Variants in DNAJA3 observed in about 807,000 individuals in gnomAD.
The protein encoded by DNAJA3 is dnaJ homolog subfamily A member 3, mitochondrial.
DNAJA3 carries 29 observed loss-of-function variants against 54.9 expected under a neutral mutation model. That is an observed-to-expected ratio of 0.53 (90% CI 0.39 to 0.72). The LOEUF is 0.72. DNAJA3 is among the 30% of genes least tolerant of loss of function. The pLI is 0.00. For synonymous variants in DNAJA3, 302 were observed against 251.4 expected, an observed-to-expected ratio of 1.20 and a Z score of -1.90; for missense variants, 708 against 639.4, an observed-to-expected ratio of 1.11 and a Z score of -1.16.
chr16:4,438,956 G>C (rs1322060178), intron 3 of DNAJA3, among the ~76,000 whole-genome samples: 1 of 151,528 alleles, frequency 6.6e-6, no homozygotes, highest in Non-Finnish European at 1.5e-5. Flanking sequence ...TTCTTATTAG[G>C]TAACTCAAAC....
intron 5 of DNAJA3, 72 bp from the exon 6 acceptor site, chr16:4,442,945 C>T (rs868044656): frequency 2.6e-6 from 4 of 1,529,952 alleles, no homozygotes; most frequent in Middle Eastern, 3.5e-4. Context: ...TTTTCTTACG[C>T]ACATTGTGGT....
chr16:4,443,611 C>G (rs4786491), intron 6 of DNAJA3, among the ~76,000 whole-genome samples: 103,600 of 151,764 alleles, frequency 0.68, 35,587 homozygotes, highest in Non-Finnish European at 0.72. Flanking sequence ...TTTCTTTTTT[C>G]GGTTAACTTT....
At chr16:4,436,761 C>A (rs2056776934) in intron 2 of DNAJA3, among the ~76,000 whole-genome samples, 1 of 152,144 alleles carries the variant, frequency 6.6e-6, no homozygotes, top group South Asian at 2.1e-4. Flanking sequence ...TTCTCAAACT[C>A]CTGACCTCTG....
intron 10 of DNAJA3, 77 bp from the exon 11 acceptor site, chr16:4,454,734 G>T: frequency 2.6e-6 from 3 of 1,132,148 alleles, no homozygotes; most frequent in Non-Finnish European, 3.9e-6. Context: ...GTGGCCAGGC[G>T]GGGGTAGGTG....
chr16:4,452,307 T>C (rs1215439688), intron 10 of DNAJA3, among the ~76,000 whole-genome samples: 1 of 152,080 alleles, frequency 6.6e-6, no homozygotes, highest in Non-Finnish European at 1.5e-5. Context: ...ACATGCGAGA[T>C]TGGTTCCATA....
rs756594607 is a variant in DNAJA3, at chr16:4,444,644, C to G, written c.932-20C>G. 2 of 1,613,280 alleles carry G rather than the reference C, an allele frequency of 1.2e-6. No homozygotes were observed. Among genetic ancestry groups the G allele is most frequent in the East Asian group, 2.2e-5 (1 of 44,866 alleles). ...CCACCGCGTCCTGCCTAACTTCTCC[C>G]TTTCTAATGTCCCTTGTAGGAGTCG... On this transcript the variant is annotated intron_variant, in intron 6 of 11. Transcript: ENST00000262375.
At chr16:4,454,415 C>T (rs1043330083) in intron 10 of DNAJA3, among the ~76,000 whole-genome samples, 2 of 152,210 alleles carry the variant, frequency 1.3e-5, no homozygotes, top group African/African-American at 4.8e-5. Flanking sequence ...CTCTCTGTGC[C>T]TCCTTTTTTT....
At chr16:4,428,162 A>G (rs1003142954) in intron 1 of DNAJA3, among the ~76,000 whole-genome samples, 2 of 151,998 alleles carry the variant, frequency 1.3e-5, no homozygotes, top group African/African-American at 4.8e-5. Context: ...CGTGTTAGCC[A>G]AGATGGTCTC....
In DNAJA3 at chr16:4,434,473, C is replaced by T; in HGVS notation, c.301C>T (p.Pro101Ser). 3 of 1,613,984 alleles carry T rather than the reference C, an allele frequency of 1.9e-6. No individual in the cohort carries two copies. The highest frequency in any genetic ancestry group is 2.2e-5 in the East Asian group (1 of 44,886). The change falls in exon 2 of 12, where the codon CCT becomes TCT. Residue 101 changes from proline to serine, a missense_variant. Physicochemically the swap from Pro to Ser is moderately conservative, Grantham distance 74. Transcript: ENST00000262375. ...KEDYYQILGV[P>S]RNASQKEIKK... Reference sequence around the variant, plus strand: ...AGATTATTATCAGATATTAGGAGTGCCTCGAAATGCCAGCCAGAAAGAGAT... The same window carrying T: ...AGATTATTATCAGATATTAGGAGTGTCTCGAAATGCCAGCCAGAAAGAGAT...
rs202179531 is a variant in DNAJA3 at position 4,434,886 on chromosome 16, C to CTTTTTTTTT, written c.345+389_345+397dup. Among the ~76,000 whole-genome samples, 123 of 100,176 alleles carry CTTTTTTTTT rather than the reference C, an allele frequency of 1.2e-3. 6 individuals carry two copies. Among genetic ancestry groups the CTTTTTTTTT allele is most frequent in the African/African-American group, 3.8e-3 (92 of 24,322 alleles). 65.7% of individuals were successfully genotyped at this position (100,176 alleles called of 152,430 possible). A position where few individuals can be genotyped will look rare whatever the true frequency, so the allele number is the denominator to read the frequency against. On this transcript the variant is annotated intron_variant, in intron 2 of 11. Transcript: ENST00000262375. ...GGTTTAGAATTACTTCCTTTCCTTT[C>CTTTTTTTTT]TTTTTTTTTTTTTTTTTTTTTTTTT...
intron 10 of DNAJA3, among the ~76,000 whole-genome samples, chr16:4,454,505 G>A (rs1258742031): frequency 6.6e-6 from 1 of 152,182 alleles, no homozygotes; most frequent in Non-Finnish European, 1.5e-5. Flanking sequence ...CTGTGTTTTT[G>A]TCACTGTTGC....
chr16:4,455,050 G>A, intron 11 of DNAJA3, 123 bp downstream of exon 11: 1 of 700,036 alleles, frequency 1.4e-6, no homozygotes, highest in Admixed American at 2.4e-5. Flanking sequence ...CCAGTCCAAG[G>A]TGTGGTAAAC....
rs141252684 is a variant in DNAJA3 at position 4,447,326 on chromosome 16, G to C, written c.1125+312G>C. The C allele has an allele frequency of 7.6e-4, 219 of 289,184 alleles. 2 individuals carry two copies. Among genetic ancestry groups the C allele is most frequent in the African/African-American group, 4.4e-3 (201 of 45,668 alleles). 17.9% of individuals were successfully genotyped at this position (289,184 alleles called of 1,614,324 possible). On this transcript the variant is annotated intron_variant, in intron 8 of 11. Coordinates refer to ENST00000262375, the MANE Select transcript of DNAJA3 (RefSeq NM_005147.6). ...GGTTGTGCTCTCTGCACTTGCTTCT[G>C]TCCAGTGTCTGGCTCCAAGAGCAGA...
chr16:4,429,046 G>A (rs771928655), intron 1 of DNAJA3, among the ~76,000 whole-genome samples: 8 of 150,928 alleles, frequency 5.3e-5, no homozygotes, highest in Non-Finnish European at 1.0e-4. Context: ...CTGCAACCGC[G>A]CCCAGCTAAT....
At chr16:4,437,528 G>T in intron 3 of DNAJA3, 43 bp downstream of exon 3, 1 of 1,553,220 alleles carries the variant, frequency 6.4e-7, no homozygotes, top group Non-Finnish European at 8.9e-7. Context: ...GTTCAGCTAT[G>T]TGTATGAATC....
chr16:4,453,100 C>G (rs1384230969), intron 10 of DNAJA3, among the ~76,000 whole-genome samples: 1 of 152,104 alleles, frequency 6.6e-6, no homozygotes, highest in Non-Finnish European at 1.5e-5. Context: ...TGTGGCCCAG[C>G]CTGGAGTGCA....
At chr16:4,449,229 C>T (rs2056946798) in intron 9 of DNAJA3, among the ~76,000 whole-genome samples, 1 of 152,138 alleles carries the variant, frequency 6.6e-6, no homozygotes, top group Non-Finnish European at 1.5e-5. Flanking sequence ...ATCTCCTGAC[C>T]TAGTGATCCA....
Position 4,443,035 on chromosome 16 carries a change from C to T in DNAJA3, c.802C>T (p.Pro268Ser). ...TTATCAGGAAACCATCAACACAGGC[C>T]CTTTTGTGATGCGTTCCACGTGTAG... ...GSGMETINTG[P>S]FVMRSTCRRC... is the part of the protein sequence containing the mutation. Residue 268 changes from proline (P) to serine (S), a missense_variant, in exon 6 of 12, where the codon CCT (proline) becomes TCT (serine). Transcript: ENST00000262375. The T allele has an allele frequency of 6.2e-7, 1 of 1,614,070 alleles. No individual in the cohort carries two copies. The highest frequency in any genetic ancestry group is 8.5e-7 in the Non-Finnish European group (1 of 1,180,012).
chr16:4,455,757 C>T lies in DNAJA3; in HGVS notation c.*225C>T. 1 of 641,316 alleles carries T rather than the reference C, an allele frequency of 1.6e-6. No individual in the cohort carries two copies. The highest frequency in any genetic ancestry group is 2.7e-6 in the Non-Finnish European group (1 of 368,202). The allele number at this position is 641,316 out of a possible 1,614,324, so 39.7% of individuals were successfully genotyped here. On this transcript the variant is annotated 3_prime_UTR_variant, in exon 12 of 12. Transcript: ENST00000262375. Reference sequence around the variant, plus strand: ...GGGCAGTAGGATGCAGCCCCAGAGGCTGGTGGCAGTTTCCTGTCCATTGGT... The same window carrying T: ...GGGCAGTAGGATGCAGCCCCAGAGGTTGGTGGCAGTTTCCTGTCCATTGGT...
Sources: gnomAD v4.1 joint callset for allele counts (sites outside exome capture counted in the v4.1 genomes callset) on GRCh38, gnomAD v4.1.1 for gene constraint, MANE v1.5 for transcripts, NCBI Gene and HGNC (gene_info 2026-07-23, HGNC 2026-07-21) for gene names.